Variants in PCDH11X observed in about 807,000 individuals in gnomAD.
PCDH11X encodes protocadherin-11 X-linked.
In PCDH11X, 18 loss-of-function variants were observed where a neutral mutation model predicts 53.3. The ratio of observed to expected loss-of-function variants is 0.34; its 90% CI spans 0.23 to 0.50. The LOEUF (loss-of-function observed/expected upper bound fraction) is 0.50. Among genes scored for constraint, PCDH11X ranks in the 20% least tolerant of loss-of-function variants. PCDH11X has a pLI of 0.98. For missense variants in PCDH11X, 570 were observed against 1,032.4 expected (o/e 0.55, Z 6.14); for synonymous variants, 279 against 393.3 (o/e 0.71, Z 3.44).
At chrX:92,057,402 A>C (rs1489855426) in intron 6 of PCDH11X, among the ~76,000 whole-genome samples, 2 of 106,976 alleles carry the variant, frequency 1.9e-5, no homozygotes, top group African/African-American at 6.8e-5. Flanking sequence ...TACATCAAAA[A>C]CACTGTAGTC....
At chrX:91,908,286 C>T (rs1220990949) in intron 6 of PCDH11X, among the ~76,000 whole-genome samples, 1 of 111,326 alleles carries the variant, frequency 9.0e-6, no homozygotes, top group Non-Finnish European at 1.9e-5. Flanking sequence ...TAATATCCAG[C>T]CTCTATAAGA....
intron 6 of PCDH11X, among the ~76,000 whole-genome samples, chrX:92,058,902 A>G (rs1286062897): frequency 1.0e-5 from 1 of 97,346 alleles, no homozygotes; most frequent in East Asian, 6.9e-4. Context: ...CAAGGTGCAT[A>G]GATTCCTCTC....
At chrX:92,266,743 CTTT>C (rs201826040) in intron 8 of PCDH11X, among the ~76,000 whole-genome samples, 2 of 98,294 alleles carry the variant, frequency 2.0e-5, no homozygotes, top group Non-Finnish European at 2.1e-5. Flanking sequence ...TACTTATTTT[CTTT>C]TTTTTTTTTT....
Position 91,966,111 on chromosome X carries a change from C to G in PCDH11X, c.3033+86838C>G, listed in dbSNP as rs1296243930. 3.6e-5 allele frequency among the ~76,000 whole-genome samples: 4 copies of G among 109,656 alleles called. No individual in the cohort carries two copies. The East Asian group carries it at 1.1e-3, about 31-fold the overall frequency. ...ATGATGAATGAGGGATCTGGCATCT[C>G]ATTATCTGGATGCCCTGATCTGGTG... On this transcript the variant is annotated intron_variant, in intron 6 of 10. Transcript: ENST00000682573.
chrX:92,602,914 AC>A lies in PCDH11X; in HGVS notation c.3368-15349del, dbSNP rs1371238145. Among the ~76,000 whole-genome samples, 2 of 83,958 alleles carry A rather than the reference AC, an allele frequency of 2.4e-5. 1 individual carries two copies. Among genetic ancestry groups the A allele is most frequent in the African/African-American group, 1.4e-4 (2 of 14,039 alleles). The allele number at this position is 83,958 out of a possible 115,157, so 72.9% of individuals were successfully genotyped here. On this transcript the variant is annotated intron_variant, in intron 10 of 10. Coordinates refer to ENST00000682573, the MANE Select transcript of PCDH11X (RefSeq NM_032968.5). The stretch of plus-strand genomic sequence containing the variant: ...TACATGAAAAAAGCAAGCAACAAAA[AC>A]TAACTGTGAGAGGGCTCTGTTGTCA...
intron 7 of PCDH11X, among the ~76,000 whole-genome samples, chrX:92,243,304 G>T (rs375886988): frequency 9.0e-6 from 1 of 111,198 alleles, no homozygotes; most frequent in East Asian, 2.8e-4. Flanking sequence ...TTTAAATCAA[G>T]GTACATTATT....
At position 92,623,070 on chromosome X, in the gene PCDH11X, A is replaced by C. The variant is rs1928632448; in HGVS notation, c.*4130A>C. On this transcript the variant is annotated 3_prime_UTR_variant, in exon 11 of 11. Transcript: ENST00000682573. ...CATCTGAAAGTGAACAGTATCCCAA[A>C]GCAGTTCCAACCATGCTTTGGAAGT... 1 of 110,919 alleles carries C rather than the reference A, an allele frequency of 9.0e-6. No homozygotes were observed. Among genetic ancestry groups the C allele is most frequent in the South Asian group, 3.8e-4 (1 of 2,622 alleles). 9.1% of individuals were successfully genotyped at this position (110,919 alleles called of 1,213,427 possible).
At chrX:91,961,964 G>A (rs1448164787) in intron 6 of PCDH11X, among the ~76,000 whole-genome samples, 1 of 110,081 alleles carries the variant, frequency 9.1e-6, no homozygotes, top group Non-Finnish European at 1.9e-5. Flanking sequence ...CAGCATGAAG[G>A]TAACCACCCC....
chrX:92,297,643 C>A (rs75005385), intron 8 of PCDH11X, among the ~76,000 whole-genome samples: 3,575 of 110,832 alleles, frequency 0.032, 112 homozygotes, highest in East Asian at 0.26. Flanking sequence ...CTTTTTGGTG[C>A]CATATGAATT....
intron 10 of PCDH11X, among the ~76,000 whole-genome samples, chrX:92,485,920 T>G (rs1341121509): frequency 1.3e-4 from 14 of 110,937 alleles, no homozygotes; most frequent in Admixed American, 1.9e-4. Flanking sequence ...GGTCAAAGCT[T>G]GCCTTCTGGG....
intron 9 of PCDH11X, among the ~76,000 whole-genome samples, chrX:92,465,722 C>A (rs2750616): frequency 9.0e-6 from 1 of 110,894 alleles, no homozygotes; most frequent in African/African-American, 3.3e-5. Context: ...TGTGTGTATG[C>A]GATAATGTAG....
At chrX:91,832,533 A>G (rs1300514930) in intron 4 of PCDH11X, among the ~76,000 whole-genome samples, 1 of 103,268 alleles carries the variant, frequency 9.7e-6, no homozygotes, top group Non-Finnish European at 2.0e-5. Flanking sequence ...TAGGAGATAT[A>G]CCTAATGTTA....
At chrX:91,866,492 G>GT (rs1311477118) in intron 5 of PCDH11X, among the ~76,000 whole-genome samples, 2 of 110,957 alleles carry the variant, frequency 1.8e-5, no homozygotes, top group Non-Finnish European at 3.8e-5. Flanking sequence ...GTTTGGTCTG[G>GT]TATTTCTTTC....
chrX:92,381,487 T>A (rs6619000), intron 8 of PCDH11X, among the ~76,000 whole-genome samples: 4,565 of 111,784 alleles, frequency 0.041, 310 homozygotes, highest in East Asian at 0.35. Flanking sequence ...CCAATTTTAT[T>A]AGGAATACAT....
intron 6 of PCDH11X, among the ~76,000 whole-genome samples, chrX:92,061,921 T>A (rs1602786409): frequency 8.9e-6 from 1 of 112,048 alleles, no homozygotes; most frequent in East Asian, 2.8e-4. Flanking sequence ...TATGGCCATT[T>A]AACAATATTG....
At position 92,619,147 on chromosome X, in the gene PCDH11X, A is replaced by G; in HGVS notation, c.*207A>G. 2.2e-6 allele frequency: 1 copy of G among 459,537 alleles called. No individual in the cohort carries two copies. Among genetic ancestry groups the G allele is most frequent in the Non-Finnish European group, 3.7e-6 (1 of 270,739 alleles). The allele number at this position is 459,537 out of a possible 1,213,427, so 37.9% of individuals were successfully genotyped here. On this transcript the variant is annotated 3_prime_UTR_variant, in exon 11 of 11. Coordinates refer to ENST00000682573, the MANE Select transcript of PCDH11X (RefSeq NM_032968.5). ...ATTCAGAATGTGTATTTAAAAAGAA[A>G]AGGAATTTAACAATTTGCATCCCCT... is the stretch of plus-strand genomic sequence containing the variant.
chrX:92,047,586 C>T (rs764831065), intron 6 of PCDH11X, among the ~76,000 whole-genome samples: 3 of 109,012 alleles, frequency 2.8e-5, no homozygotes, highest in Non-Finnish European at 5.7e-5. Context: ...GAAACCTAAA[C>T]AGAAAATATT....
At chrX:92,247,166 C>T (rs1043804539) in intron 7 of PCDH11X, among the ~76,000 whole-genome samples, 2 of 111,864 alleles carry the variant, frequency 1.8e-5, no homozygotes, top group African/African-American at 6.5e-5. Flanking sequence ...ACTTAGAAAG[C>T]TTGCACATAG....
At chrX:92,255,634 T>C (rs1016132858) in intron 7 of PCDH11X, among the ~76,000 whole-genome samples, 1 of 109,851 alleles carries the variant, frequency 9.1e-6, no homozygotes, top group African/African-American at 3.3e-5. Context: ...GGATGTCCTT[T>C]CTGTTTGTTA....
Sources: allele counts gnomAD v4.1 joint callset (sites outside exome capture counted in the v4.1 genomes callset), GRCh38; gene constraint gnomAD v4.1.1; transcripts MANE v1.5; gene names NCBI Gene and HGNC (gene_info 2026-07-23, HGNC 2026-07-21).